Variants in PDE4D observed in about 807,000 individuals in gnomAD.
PDE4D encodes 3',5'-cyclic-AMP phosphodiesterase 4D.
A neutral mutation model predicts 87.4 loss-of-function variants in PDE4D; 24 were observed. The observed-to-expected ratio is 0.27, with a 90% confidence interval of 0.20 to 0.39. The LOEUF is 0.39. Among genes scored for constraint, PDE4D ranks in the 10% least tolerant of loss-of-function variants. The pLI, the probability that PDE4D is intolerant of heterozygous loss-of-function variation, is 1.00. For synonymous variants in PDE4D, 384 were observed against 383.2 expected (o/e 1.00, Z -0.02); for missense variants, 714 against 1,041.0 (o/e 0.69, Z 4.32).
intron 1 of PDE4D, among the ~76,000 whole-genome samples, chr5:60,333,048 A>G (rs1472130970): frequency 1.3e-5 from 2 of 152,202 alleles, no homozygotes; most frequent in Non-Finnish European, 2.9e-5. Flanking sequence ...CTGGCTGGTT[A>G]AAAGGAAACG....
At chr5:60,457,180 T>G (rs1294116113) in intron 1 of PDE4D, among the ~76,000 whole-genome samples, 1 of 152,154 alleles carries the variant, frequency 6.6e-6, no homozygotes, top group South Asian at 2.1e-4. Context: ...CTAATAGATT[T>G]GCAGTACAGC....
chr5:60,095,179 C>T (rs1775552159), intron 2 of PDE4D, among the ~76,000 whole-genome samples: 1 of 152,092 alleles, frequency 6.6e-6, no homozygotes. Flanking sequence ...AGGTATTTCT[C>T]CTAATGTTAT....
intron 1 of PDE4D, among the ~76,000 whole-genome samples, chr5:60,192,524 A>C (rs1188811975): frequency 6.6e-6 from 1 of 152,232 alleles, no homozygotes; most frequent in Non-Finnish European, 1.5e-5. Context: ...TTAGATGTCA[A>C]ATAGTAAAGG....
At chr5:60,330,425 G>A (rs1757218228) in intron 1 of PDE4D, among the ~76,000 whole-genome samples, 1 of 152,198 alleles carries the variant, frequency 6.6e-6, no homozygotes, top group Non-Finnish European at 1.5e-5. Context: ...CCTATAGCAG[G>A]AATTAGGGAA....
rs114789172 is a variant in PDE4D at position 59,416,668 on chromosome 5, C to A, written c.456-200700G>T. On this transcript the variant is annotated intron_variant, in intron 1 of 14. Coordinates refer to ENST00000340635, the MANE Select transcript of PDE4D (RefSeq NM_001104631.2). ...ATTCAGTGCATATGAAGCAATGTGT[C>A]CCCAAAGTTAGATCATCCAGATGTT... 4.3e-3 allele frequency among the ~76,000 whole-genome samples: 654 copies of A among 152,258 alleles called. 23 individuals carry two copies. In the East Asian group the frequency reaches 0.084, roughly 20 times the overall value.
chr5:59,565,429 G>A (rs1417352821), intron 1 of PDE4D, among the ~76,000 whole-genome samples: 1 of 152,168 alleles, frequency 6.6e-6, no homozygotes, highest in African/African-American at 2.4e-5. Flanking sequence ...TGAAGTGGGA[G>A]GATGCCTTGA....
upstream of PDE4D, among the ~76,000 whole-genome samples, chr5:59,896,109 C>G (rs1461028437): frequency 2.6e-5 from 4 of 152,194 alleles, no homozygotes; most frequent in Non-Finnish European, 5.9e-5. Flanking sequence ...CAATCTACCA[C>G]TTCCTACCCA....
chr5:59,210,451 G>A (rs1749826785), intron 2 of PDE4D, among the ~76,000 whole-genome samples: 1 of 152,128 alleles, frequency 6.6e-6, no homozygotes, highest in African/African-American at 2.4e-5. Flanking sequence ...AAGTGGTGAG[G>A]GACTTGTTAA....
At chr5:59,154,811 A>G (rs532940510) in intron 5 of PDE4D, among the ~76,000 whole-genome samples, 10 of 152,284 alleles carry the variant, frequency 6.6e-5, no homozygotes, top group Non-Finnish European at 1.2e-4. Flanking sequence ...GCTTGAACCC[A>G]GGAGGTGGAG....
intron 1 of PDE4D, among the ~76,000 whole-genome samples, chr5:59,328,647 G>A (rs149614966): frequency 6.6e-6 from 1 of 152,270 alleles, no homozygotes; most frequent in African/African-American, 2.4e-5. Flanking sequence ...CTTGGTACAT[G>A]TGTGGCTTTG....
At chr5:59,476,071 G>T (rs886305623) in intron 1 of PDE4D, among the ~76,000 whole-genome samples, 1 of 152,002 alleles carries the variant, frequency 6.6e-6, no homozygotes, top group Non-Finnish European at 1.5e-5. Context: ...TCAGAAGCAC[G>T]AGTTTCCTCC....
chr5:60,254,324 C>T (rs1043918818), intron 1 of PDE4D, among the ~76,000 whole-genome samples: 10 of 151,910 alleles, frequency 6.6e-5, no homozygotes, highest in African/African-American at 2.4e-4. Context: ...TGCCAGCAAC[C>T]CTGGCCCCTA....
chr5:59,064,667 A>C (rs1217907453), intron 5 of PDE4D, among the ~76,000 whole-genome samples: 1 of 152,192 alleles, frequency 6.6e-6, no homozygotes, highest in Non-Finnish European at 1.5e-5. Flanking sequence ...CTAAAATGTC[A>C]TTAAACCATC....
At chr5:59,547,260 C>A (rs1055564986) in intron 1 of PDE4D, among the ~76,000 whole-genome samples, 1 of 151,990 alleles carries the variant, frequency 6.6e-6, no homozygotes, top group East Asian at 1.9e-4. Flanking sequence ...GTAACATTAT[C>A]TGTGAATTTT....
intron 1 of PDE4D, among the ~76,000 whole-genome samples, chr5:59,700,057 C>T (rs2150445979): frequency 6.6e-6 from 1 of 152,240 alleles, no homozygotes; most frequent in Middle Eastern, 3.4e-3. Context: ...GATCCCTGGT[C>T]ACAAATTTTA....
At chr5:59,977,271 A>C (rs1761433723) in intron 3 of PDE4D, among the ~76,000 whole-genome samples, 1 of 152,246 alleles carries the variant, frequency 6.6e-6, no homozygotes, top group African/African-American at 2.4e-5. Flanking sequence ...TGAACACAGA[A>C]ATGACAAGAA....
intron 2 of PDE4D, chr5:59,988,843 G>C (rs1435334892): frequency 3.9e-6 from 2 of 515,204 alleles, no homozygotes; most frequent in South Asian, 3.9e-5. Context: ...ATGCTATCTA[G>C]AAAACAGTGA....
At chr5:59,209,189 A>AT (rs905192389) in intron 2 of PDE4D, among the ~76,000 whole-genome samples, 28 of 150,928 alleles carry the variant, frequency 1.9e-4, no homozygotes, top group South Asian at 1.1e-3. Context: ...ATCTTTAATC[A>AT]TTTTTTTTTG....
intron 2 of PDE4D, among the ~76,000 whole-genome samples, chr5:60,058,763 A>G (rs1325710737): frequency 6.6e-6 from 1 of 151,996 alleles, no homozygotes; most frequent in Non-Finnish European, 1.5e-5. Flanking sequence ...TTGCCCTATA[A>G]CATTTTGAGA....
Sources: allele counts gnomAD v4.1 joint callset (sites outside exome capture counted in the v4.1 genomes callset), GRCh38; gene constraint gnomAD v4.1.1; transcripts MANE v1.5; gene names NCBI Gene and HGNC (gene_info 2026-07-23, HGNC 2026-07-21).